MAML3: variants seen among roughly 807,000 people sequenced by gnomAD.
The protein encoded by MAML3 is mastermind-like protein 3.
MAML3 carries 27 observed loss-of-function variants against 101.9 expected under a neutral mutation model. That is an observed-to-expected ratio of 0.27 (90% CI 0.20 to 0.37). MAML3 has a LOEUF of 0.37. Among genes scored for constraint, MAML3 ranks in the 10% least tolerant of loss-of-function variants. MAML3 has a pLI of 1.00. For missense variants in MAML3, 1,316 were observed against 1,444.9 expected (o/e 0.91, Z 1.45); for synonymous variants, 501 against 555.9 (o/e 0.90, Z 1.39).
At chr4:139,908,550 T>A (rs1481514674) in intron 1 of MAML3, among the ~76,000 whole-genome samples, 1 of 152,226 alleles carries the variant, frequency 6.6e-6, no homozygotes, top group East Asian at 1.9e-4. Context: ...ATACATGTAT[T>A]ATGAATTCTT....
intron 2 of MAML3, among the ~76,000 whole-genome samples, chr4:139,781,745 T>C (rs1348737394): frequency 2.0e-5 from 3 of 152,160 alleles, no homozygotes; most frequent in African/African-American, 7.2e-5. Flanking sequence ...GGCTGGGGCA[T>C]GACACTGGTT....
At chr4:140,020,257 T>C (rs2293119) in intron 1 of MAML3, among the ~76,000 whole-genome samples, 19,522 of 152,216 alleles carry the variant, frequency 0.13, 2,240 homozygotes, top group East Asian at 0.57. Flanking sequence ...CCTATGTAAA[T>C]GTCCTAATGC....
Position 140,045,098 on chromosome 4 carries a change from T to A in MAML3, c.468+107762A>T, listed in dbSNP as rs189249153. ...TTTCTTCCCAGTTTTAATGTATTTT[T>A]AAAAAACAGAATCTGGGCCAGGCAC... On this transcript the variant is annotated intron_variant, in intron 1 of 4. Coordinates refer to ENST00000509479, the MANE Select transcript of MAML3 (RefSeq NM_018717.5). Among the ~76,000 whole-genome samples the A allele has an allele frequency of 1.1e-3, 171 of 152,260 alleles. 1 individual carries two copies. Among genetic ancestry groups the A allele is most frequent in the African/African-American group, 3.8e-3 (158 of 41,556 alleles).
At position 139,745,961 on chromosome 4, in the gene MAML3, T is replaced by TC. The variant is rs1321061129; in HGVS notation, c.2080-15295dup. On this transcript the variant is annotated intron_variant, in intron 2 of 4. Transcript: ENST00000509479. ...TTTTTGTGCTTCCTTAACTTGTTTC[T>TC]CCAACTTTCTCCTGCTACTAAATGT... 2.6e-5 allele frequency among the ~76,000 whole-genome samples: 4 copies of TC among 152,262 alleles called. No individual in the cohort carries two copies. In the East Asian group the frequency reaches 7.7e-4, roughly 29 times the overall value.
intron 1 of MAML3, among the ~76,000 whole-genome samples, chr4:140,018,424 C>A (rs966476159): frequency 1.3e-5 from 2 of 152,096 alleles, no homozygotes; most frequent in Non-Finnish European, 2.9e-5. Flanking sequence ...AGAAAACAAT[C>A]TTGTTTATCT....
chr4:140,037,329 G>A (rs11723721), intron 1 of MAML3, among the ~76,000 whole-genome samples: 30,527 of 151,384 alleles, frequency 0.2, 4,059 homozygotes, highest in East Asian at 0.6. Flanking sequence ...GTTTTAACAC[G>A]AATCCTTAGC....
intron 1 of MAML3, among the ~76,000 whole-genome samples, chr4:139,959,736 T>G (rs973287094): frequency 6.6e-6 from 1 of 152,202 alleles, no homozygotes; most frequent in African/African-American, 2.4e-5. Flanking sequence ...ATTTCTTCCA[T>G]GCTGCTAGTG....
intron 1 of MAML3, among the ~76,000 whole-genome samples, chr4:139,898,669 A>G (rs1280067100): frequency 6.6e-6 from 1 of 152,178 alleles, no homozygotes; most frequent in African/African-American, 2.4e-5. Context: ...CAAAGAGAAC[A>G]TTTTGGTCAT....
chr4:140,101,332 T>C (rs948741283), intron 1 of MAML3, among the ~76,000 whole-genome samples: 2 of 152,194 alleles, frequency 1.3e-5, no homozygotes, highest in African/African-American at 4.8e-5. Context: ...GAAAGTGGCC[T>C]TGTGTAGAAT....
intron 2 of MAML3, among the ~76,000 whole-genome samples, chr4:139,799,794 G>A (rs1730573032): frequency 1.3e-5 from 2 of 152,166 alleles, no homozygotes; most frequent in Admixed American, 6.5e-5. Context: ...GGAGGGCAAG[G>A]CACAGCTGTC....
intron 2 of MAML3, among the ~76,000 whole-genome samples, chr4:139,884,103 C>T (rs1203145173): frequency 1.3e-5 from 2 of 151,930 alleles, no homozygotes; most frequent in East Asian, 1.9e-4. Flanking sequence ...AGGCTGCTCT[C>T]GAACTCCTGA....
chr4:139,856,612 T>C (rs1386059969), intron 2 of MAML3, among the ~76,000 whole-genome samples: 1 of 152,228 alleles, frequency 6.6e-6, no homozygotes, highest in Non-Finnish European at 1.5e-5. Context: ...GTCGAACTTC[T>C]GTGAAGTTGT....
At chr4:139,834,785 A>T (rs747275624) in intron 2 of MAML3, among the ~76,000 whole-genome samples, 1 of 152,230 alleles carries the variant, frequency 6.6e-6, no homozygotes, top group Non-Finnish European at 1.5e-5. Flanking sequence ...ACAACTCTGT[A>T]TCAACCACGG....
At chr4:140,149,490 A>G (rs1729119588) in intron 1 of MAML3, among the ~76,000 whole-genome samples, 1 of 152,180 alleles carries the variant, frequency 6.6e-6, no homozygotes, top group African/African-American at 2.4e-5. Context: ...AATGTGTAAG[A>G]TAGGAAAACA....
intron 1 of MAML3, among the ~76,000 whole-genome samples, chr4:140,116,757 A>C (rs1337605411): frequency 6.6e-6 from 1 of 152,222 alleles, no homozygotes; most frequent in African/African-American, 2.4e-5. Flanking sequence ...AAACACAGTC[A>C]ACCCAAATGA....
At chr4:139,938,697 A>G (rs1733549250) in intron 1 of MAML3, among the ~76,000 whole-genome samples, 1 of 152,206 alleles carries the variant, frequency 6.6e-6, no homozygotes, top group Non-Finnish European at 1.5e-5. Context: ...ATAAAACTCT[A>G]AATTTAAAAA....
intron 1 of MAML3, among the ~76,000 whole-genome samples, chr4:140,120,162 G>A (rs897270103): frequency 4.6e-5 from 7 of 150,966 alleles, no homozygotes; most frequent in South Asian, 4.2e-4. Flanking sequence ...GCGTGAACCC[G>A]GGAGGCGGAG....
chr4:140,136,783 C>A (rs1396290740), intron 1 of MAML3, among the ~76,000 whole-genome samples: 1 of 152,142 alleles, frequency 6.6e-6, no homozygotes, highest in Non-Finnish European at 1.5e-5. Flanking sequence ...AAAACTATTT[C>A]TTAAGGTAAG....
At chr4:139,789,972 G>A (rs1045311374) in intron 2 of MAML3, among the ~76,000 whole-genome samples, 13 of 151,926 alleles carry the variant, frequency 8.6e-5, no homozygotes, top group African/African-American at 3.1e-4. Context: ...AGAATCCCAG[G>A]AGAAGTCTAG....
Sources: gnomAD v4.1 joint callset for allele counts (sites outside exome capture counted in the v4.1 genomes callset) on GRCh38, gnomAD v4.1.1 for gene constraint, MANE v1.5 for transcripts, NCBI Gene and HGNC (gene_info 2026-07-23, HGNC 2026-07-21) for gene names.